The following ARID5B variants were observed in gnomAD, a reference collection of about 807,000 sequenced individuals.
The protein encoded by ARID5B is AT-rich interaction domain 5B, also known as AT-rich interactive domain-containing protein 5B.
Under a neutral mutation model 97.2 loss-of-function variants are expected in ARID5B, and 13 were observed. The ratio of observed to expected loss-of-function variants is 0.13; its 90% CI spans 0.09 to 0.21. The LOEUF (loss-of-function observed/expected upper bound fraction) is 0.21, where lower values mean the gene tolerates loss of function less well. ARID5B is among the 10% of genes least tolerant of loss of function. ARID5B has a pLI of 1.00. For missense variants in ARID5B, 1,210 were observed against 1,465.3 expected, an observed-to-expected ratio of 0.83 and a Z score of 2.84; for synonymous variants, 556 against 570.3, an observed-to-expected ratio of 0.97 and a Z score of 0.36.
intron 3 of ARID5B, among the ~76,000 whole-genome samples, chr10:61,971,927 A>C (rs189827483): frequency 1.3e-5 from 2 of 152,310 alleles, no homozygotes; most frequent in East Asian, 3.9e-4. Context: ...ATTTATTTCA[A>C]AAAGGCATGA....
intron 2 of ARID5B, among the ~76,000 whole-genome samples, chr10:61,910,255 T>C (rs1267522978): frequency 6.6e-6 from 1 of 152,256 alleles, no homozygotes; most frequent in African/African-American, 2.4e-5. Context: ...TGGCATCTAG[T>C]GATATATGAC....
At chr10:62,005,858 C>T (rs1431428160) in intron 4 of ARID5B, among the ~76,000 whole-genome samples, 1 of 152,194 alleles carries the variant, frequency 6.6e-6, no homozygotes, top group African/African-American at 2.4e-5. Flanking sequence ...AGTGAGTAAA[C>T]ATTTTTTTCC....
At chr10:62,032,156 A>G (rs1839505287) in intron 4 of ARID5B, among the ~76,000 whole-genome samples, 1 of 152,122 alleles carries the variant, frequency 6.6e-6, no homozygotes, top group African/African-American at 2.4e-5. Flanking sequence ...CTCTAAAAAT[A>G]TAAAAATAAA....
intron 3 of ARID5B, among the ~76,000 whole-genome samples, chr10:61,960,059 T>G (rs1470103305): frequency 6.6e-6 from 1 of 152,198 alleles, no homozygotes; most frequent in Non-Finnish European, 1.5e-5. Context: ...GGATGATGTG[T>G]GTCTACCCGC....
intron 3 of ARID5B, among the ~76,000 whole-genome samples, chr10:61,945,995 T>C (rs1423974560): frequency 6.7e-6 from 1 of 148,356 alleles, no homozygotes; most frequent in Non-Finnish European, 1.5e-5. Context: ...ATATGACTAT[T>C]ATTTTAATAT....
chr10:61,952,472 G>A (rs148755402), intron 3 of ARID5B, among the ~76,000 whole-genome samples: 1 of 152,120 alleles, frequency 6.6e-6, no homozygotes, highest in Non-Finnish European at 1.5e-5. Flanking sequence ...TTCCCAAAAA[G>A]TCTTAACTCT....
intron 2 of ARID5B, among the ~76,000 whole-genome samples, chr10:61,935,927 T>C (rs761796294): frequency 6.6e-6 from 1 of 152,218 alleles, no homozygotes; most frequent in Non-Finnish European, 1.5e-5. Flanking sequence ...CACTCTGTTG[T>C]GATATCACAT....
chr10:61,930,722 A>AAAATAAATAAAT (rs55665606), intron 2 of ARID5B, among the ~76,000 whole-genome samples: 28,990 of 140,170 alleles, frequency 0.21, 3,357 homozygotes, highest in South Asian at 0.38. Flanking sequence ...TCCGCCTCAA[A>AAAATAAATAAAT]AAATAAATAA....
intron 4 of ARID5B, among the ~76,000 whole-genome samples, chr10:62,044,807 G>T (rs548760225): frequency 2.0e-5 from 3 of 152,136 alleles, no homozygotes; most frequent in African/African-American, 4.8e-5. Context: ...AGAACGTCGC[G>T]CAGGATCAAG....
chr10:62,040,155 T>C (rs1012593435), intron 4 of ARID5B, among the ~76,000 whole-genome samples: 9 of 152,180 alleles, frequency 5.9e-5, no homozygotes, highest in African/African-American at 1.7e-4. Flanking sequence ...TCTCTCTCTC[T>C]TTCTGTCTCT....
intron 9 of ARID5B, among the ~76,000 whole-genome samples, chr10:62,087,642 A>C (rs1336400073): frequency 1.3e-5 from 2 of 152,158 alleles, no homozygotes; most frequent in Non-Finnish European, 1.5e-5. Flanking sequence ...AATCAGGTTT[A>C]TAATGAACAC....
chr10:62,091,217 G>T lies in ARID5B; in HGVS notation c.1754G>T (p.Ser585Ile). 6.2e-7 allele frequency: 1 copy of T among 1,614,120 alleles called. No individual in the cohort carries two copies. The change falls in exon 10 of 10, where the codon AGC becomes ATC. Residue 585 changes from serine to isoleucine, a missense_variant. Ser to Ile is a moderately radical substitution (Grantham distance 142, BLOSUM62 -2). Around this residue, in one of 8 missense-constraint regions of ARID5B, gnomAD observed 800 missense variants for 839.1 expected, o/e 0.95. Transcript: ENST00000279873. ...TCCAAACTGTGCTGTTTTACAGAGA[G>T]CCCTGAAAGTGAACCCCAAGAAGCA... is the stretch of plus-strand genomic sequence containing the variant. Reference protein sequence around the residue: ...QESKLCCFTESPESEPQEASF... With the variant: ...QESKLCCFTEIPESEPQEASF...
intron 4 of ARID5B, among the ~76,000 whole-genome samples, chr10:62,036,104 C>T (rs371027634): frequency 6.6e-6 from 1 of 151,960 alleles, no homozygotes; most frequent in Admixed American, 6.6e-5. Flanking sequence ...GGATTACGGG[C>T]GCGAGCCACT....
In ARID5B at chr10:62,093,252, A is replaced by C; in HGVS notation, c.*222A>C. 1 of 543,642 alleles carries C rather than the reference A, an allele frequency of 1.8e-6. No homozygotes were observed. The highest frequency in any genetic ancestry group is 3.2e-5 in the East Asian group (1 of 31,590). 33.7% of individuals were successfully genotyped at this position (543,642 alleles called of 1,614,324 possible). A position where few individuals can be genotyped will look rare whatever the true frequency, so the allele number is the denominator to read the frequency against. On this transcript the variant is annotated 3_prime_UTR_variant, in exon 10 of 10. Transcript: ENST00000279873. Reference sequence around the variant, plus strand: ...TGGTGAGTCTTGACTCCCTTCCAACACAGATGCCCAGGCACCTCCAGATCA... The same window carrying C: ...TGGTGAGTCTTGACTCCCTTCCAACCCAGATGCCCAGGCACCTCCAGATCA...
chr10:61,990,057 C>T lies in ARID5B; in HGVS notation c.503-10034C>T, dbSNP rs151090249. 2.4e-3 allele frequency among the ~76,000 whole-genome samples: 369 copies of T among 152,230 alleles called. 1 individual carries two copies. The highest frequency in any genetic ancestry group is 8.3e-3 in the African/African-American group (344 of 41,546). On this transcript the variant is annotated intron_variant, in intron 3 of 9. Coordinates refer to ENST00000279873, the MANE Select transcript of ARID5B (RefSeq NM_032199.3). ...TCTGCCCCATCCCTATGTAGGTTCC[C>T]TTTAAAAAGTCTTCTCGTACCCTCA...
chr10:62,063,318 G>A (rs181717445), intron 7 of ARID5B, among the ~76,000 whole-genome samples: 1 of 152,190 alleles, frequency 6.6e-6, no homozygotes, highest in Non-Finnish European at 1.5e-5. Context: ...TATAAAAGCT[G>A]TAGATGTATT....
chr10:62,013,794 G>GTATATATATATATATATATATATATA (rs60930079), intron 4 of ARID5B, among the ~76,000 whole-genome samples: 1 of 138,936 alleles, frequency 7.2e-6, no homozygotes, highest in Admixed American at 8.2e-5. Flanking sequence ...ATTCCATTGG[G>GTATATATATATATATATATATATATA]TATATATATA....
chr10:62,011,817 C>T (rs56099732), intron 4 of ARID5B, among the ~76,000 whole-genome samples: 5,952 of 152,184 alleles, frequency 0.039, 390 homozygotes, highest in African/African-American at 0.14. Flanking sequence ...AAGGGGAAAC[C>T]ACAGTGAGAC....
chr10:62,031,527 G>A (rs1472775992), intron 4 of ARID5B, among the ~76,000 whole-genome samples: 1 of 152,186 alleles, frequency 6.6e-6, no homozygotes, highest in South Asian at 2.1e-4. Flanking sequence ...AAGACCATGG[G>A]TTAATCAAGG....
Sources: allele counts gnomAD v4.1 joint callset (sites outside exome capture counted in the v4.1 genomes callset), GRCh38; gene constraint gnomAD v4.1.1; regional missense constraint gnomAD v4.1.1; transcripts MANE v1.5; gene names NCBI Gene and HGNC (gene_info 2026-07-23, HGNC 2026-07-21).